FREM3: variants seen among roughly 807,000 people sequenced by gnomAD.
The protein encoded by FREM3 is FRAS1 related extracellular matrix 3, also known as FRAS1-related extracellular matrix protein 3.
Under a neutral mutation model 129.1 loss-of-function variants are expected in FREM3, and 105 were observed. That is an observed-to-expected ratio of 0.81 (90% CI 0.69 to 0.96). The LOEUF is 0.96. Ranked by LOEUF, FREM3 falls within the 40% of genes least tolerant of loss-of-function variation. The pLI is 0.00. For synonymous variants in FREM3, 1,014 were observed against 1,044.9 expected (o/e 0.97, Z 0.57); for missense variants, 2,593 against 2,666.3 (o/e 0.97, Z 0.61).
At chr4:143,686,949 C>G (rs993776025) in intron 2 of FREM3, among the ~76,000 whole-genome samples, 1 of 151,836 alleles carries the variant, frequency 6.6e-6, no homozygotes, top group Non-Finnish European at 1.5e-5. Flanking sequence ...AAACCCAAAC[C>G]CAGCAAAAGA....
chr4:143,666,512 C>T (rs1251403908), intron 2 of FREM3, among the ~76,000 whole-genome samples: 2 of 151,908 alleles, frequency 1.3e-5, no homozygotes, highest in Non-Finnish European at 2.9e-5. Context: ...AGTGGATAGA[C>T]AAAATATGAT....
chr4:143,591,851 C>T (rs939378426), intron 6 of FREM3, among the ~76,000 whole-genome samples: 1 of 152,142 alleles, frequency 6.6e-6, no homozygotes, highest in African/African-American at 2.4e-5. Flanking sequence ...GTTAAAGTCT[C>T]CCATTATTAT....
At chr4:143,577,948 C>T (rs1738069476) in intron 7 of FREM3, 96 bp from the exon 8 acceptor site, 3 of 1,270,624 alleles carry the variant, frequency 2.4e-6, no homozygotes, top group Non-Finnish European at 3.2e-6. Context: ...CTGCGGCATT[C>T]ACCTTTGTAC....
chr4:143,640,365 A>C (rs1054590204), intron 2 of FREM3, among the ~76,000 whole-genome samples: 5 of 152,242 alleles, frequency 3.3e-5, no homozygotes, highest in African/African-American at 9.6e-5. Context: ...TCAAAGAAGA[A>C]TAGAATGAGC....
intron 2 of FREM3, among the ~76,000 whole-genome samples, chr4:143,668,815 G>A (rs967394757): frequency 6.6e-6 from 1 of 152,130 alleles, no homozygotes; most frequent in Admixed American, 6.5e-5. Context: ...CTACTTTTTT[G>A]TAAATTACTT....
Position 143,627,883 on chromosome 4 carries a change from TA to T in FREM3, c.5276-124del, listed in dbSNP as rs1054251448. The T allele has an allele frequency of 1.3e-4, 85 of 667,068 alleles. No homozygotes were observed. In the African/African-American group the frequency reaches 1.5e-3, roughly 12 times the overall value. 41.3% of individuals were successfully genotyped at this position (667,068 alleles called of 1,614,324 possible). A position where few individuals can be genotyped will look rare whatever the true frequency, so the allele number is the denominator to read the frequency against. On this transcript the variant is annotated intron_variant, in intron 2 of 7. Coordinates refer to ENST00000329798, the MANE Select transcript of FREM3 (RefSeq NM_001168235.2). Reference sequence around the variant, plus strand: ...AAAACATACTCGTTTTATTTTATTTTATTTTTTTGGTAGAGAGAGGAAATGT... The same window carrying T: ...AAAACATACTCGTTTTATTTTATTTTTTTTTTTGGTAGAGAGAGGAAATGT...
chr4:143,662,217 T>G (rs1409706881), intron 2 of FREM3, among the ~76,000 whole-genome samples: 1 of 152,210 alleles, frequency 6.6e-6, no homozygotes, highest in African/African-American at 2.4e-5. Flanking sequence ...CTTTCTCTTG[T>G]GGGCATTTAG....
chr4:143,677,299 A>T (rs1389716447), intron 2 of FREM3, among the ~76,000 whole-genome samples: 1 of 152,156 alleles, frequency 6.6e-6, no homozygotes, highest in African/African-American at 2.4e-5. Context: ...GGGAAAGGAT[A>T]CCCTATTTAA....
chr4:143,577,650 G>C lies in FREM3; in HGVS notation c.6381C>G (p.Ile2127Met). ...NKTTIFIEDT[I>M]TDCKQSACSS... The stretch of plus-strand genomic sequence containing the variant: ...TACAAGCACTCTGCTTACAGTCCGT[G>C]ATGGTGTCCTCGATGAAAATGGTAG... Residue 2127 changes from isoleucine to methionine, a missense_variant, in exon 8 of 8, where the codon ATC (isoleucine) becomes ATG (methionine). Physicochemically the swap from Ile to Met is conservative, Grantham distance 10 (BLOSUM62 1). Around this residue, in one of 2 missense-constraint regions of FREM3, gnomAD observed 317 missense variants for 399.0 expected, o/e 0.79. Transcript: ENST00000329798. 1 of 1,537,330 alleles carries C rather than the reference G, an allele frequency of 6.5e-7. No homozygotes were observed. The highest frequency in any genetic ancestry group is 8.7e-7 in the Non-Finnish European group (1 of 1,146,898).
intron 2 of FREM3, among the ~76,000 whole-genome samples, chr4:143,649,853 G>T (rs1739480121): frequency 6.6e-6 from 1 of 152,140 alleles, no homozygotes; most frequent in South Asian, 2.1e-4. Context: ...CTGAATGAAT[G>T]TTTCAGGACC....
chr4:143,661,529 A>G (rs947485159), intron 2 of FREM3, among the ~76,000 whole-genome samples: 2 of 151,744 alleles, frequency 1.3e-5, no homozygotes, highest in Non-Finnish European at 2.9e-5. Context: ...ATGTTCATCA[A>G]GGATATTGGT....
rs1329379020 is a variant in FREM3, at chr4:143,696,752, G to T, written c.3924C>A (p.His1308Gln). ...VVTLVDDETPHLTVNNGLKVE... is the reference protein window; with the variant it reads ...VVTLVDDETPQLTVNNGLKVE... ...CCTTCAGCCCATTGTTGACAGTCAG[G>T]TGAGGAGTTTCATCATCCACTAGGG... The change falls in exon 1 of 8, where the codon CAC becomes CAA. Residue 1308 changes from histidine (H) to glutamine (Q), a missense_variant. Coordinates refer to ENST00000329798, the MANE Select transcript of FREM3 (RefSeq NM_001168235.2). The T allele has an allele frequency of 2.6e-6, 4 of 1,537,772 alleles. No homozygotes were observed. The highest frequency in any genetic ancestry group is 2.7e-5 in the African/African-American group (2 of 73,020).
intron 6 of FREM3, among the ~76,000 whole-genome samples, chr4:143,598,549 G>C (rs1738521399): frequency 6.6e-6 from 1 of 152,090 alleles, no homozygotes; most frequent in Non-Finnish European, 1.5e-5. Context: ...TAGATATATG[G>C]TGCTTCTCTT....
intron 4 of FREM3, among the ~76,000 whole-genome samples, chr4:143,621,618 T>A (rs1459039872): frequency 6.6e-6 from 1 of 152,250 alleles, no homozygotes; most frequent in Non-Finnish European, 1.5e-5. Flanking sequence ...GAGCAGACAC[T>A]GTGCTGGTCA....
At chr4:143,598,778 G>A (rs1172130087) in intron 6 of FREM3, among the ~76,000 whole-genome samples, 1 of 152,084 alleles carries the variant, frequency 6.6e-6, no homozygotes, top group Non-Finnish European at 1.5e-5. Flanking sequence ...ACAAATACTT[G>A]CCATTGTGTC....
rs762204622 is a variant in FREM3, at chr4:143,699,231, A to ACC, written c.1443_1444dup (p.Val482GlyfsTer87). ...GCACCCAGCAGGTGCCCCAAACACC[A>ACC]CCAGCTGCCCATGTCTCAAGCCCCT... On this transcript the variant is annotated frameshift_variant, in exon 1 of 8. Coordinates refer to ENST00000329798, the MANE Select transcript of FREM3 (RefSeq NM_001168235.2). LOFTEE classifies it high-confidence loss of function. The surrounding 1 kb of genome is among the most constrained non-coding windows in gnomAD (Gnocchi z 4.2). The ACC allele has an allele frequency of 2.3e-5, 36 of 1,537,216 alleles. No individual in the cohort carries two copies. The highest frequency in any genetic ancestry group is 2.4e-5 in the South Asian group (2 of 84,050).
chr4:143,671,706 A>G (rs1204309996), intron 2 of FREM3, among the ~76,000 whole-genome samples: 2 of 152,200 alleles, frequency 1.3e-5, no homozygotes, highest in Non-Finnish European at 2.9e-5. Context: ...AAATCATCCC[A>G]CTTTTGACTC....
chr4:143,664,173 G>A (rs373574034), intron 2 of FREM3, among the ~76,000 whole-genome samples: 2 of 152,210 alleles, frequency 1.3e-5, no homozygotes, highest in East Asian at 1.9e-4. Context: ...GGTTTTTAGA[G>A]TTTCCAGTTT....
At chr4:143,674,568 CA>C (rs1339418037) in intron 2 of FREM3, among the ~76,000 whole-genome samples, 1 of 152,118 alleles carries the variant, frequency 6.6e-6, no homozygotes, top group African/African-American at 2.4e-5. Flanking sequence ...AAATGAGCTA[CA>C]GGCTCCAATT....
Sources: gnomAD v4.1 joint callset for allele counts (sites outside exome capture counted in the v4.1 genomes callset) on GRCh38, gnomAD v4.1.1 for gene constraint, gnomAD v4.1.1 regional missense constraint, Gnocchi (gnomAD v3.1) non-coding constraint, MANE v1.5 for transcripts, NCBI Gene and HGNC (gene_info 2026-07-23, HGNC 2026-07-21) for gene names.